Variants in MROH1 observed in about 807,000 individuals in gnomAD.
MROH1 encodes maestro heat like repeat family member 1, also known as maestro heat-like repeat-containing protein family member 1.
A neutral mutation model predicts 116.5 loss-of-function variants in MROH1; 117 were observed. The ratio of observed to expected loss-of-function variants is 1.00; its 90% CI spans 0.86 to 1.17. The LOEUF is 1.17. MROH1 is among the 50% of genes most tolerant of loss of function. MROH1 has a pLI of 0.00. For synonymous variants in MROH1, 921 were observed against 583.9 expected, an observed-to-expected ratio of 1.58 and a Z score of -8.32; for missense variants, 1,873 against 1,338.5, an observed-to-expected ratio of 1.40 and a Z score of -6.23.
intron 1 of MROH1, among the ~76,000 whole-genome samples, chr8:144,155,638 CTTTTTTT>C (rs1181004854): frequency 7.9e-6 from 1 of 125,992 alleles, no homozygotes; most frequent in African/African-American, 2.9e-5. Flanking sequence ...AGGTGTTTTT[CTTTTTTT>C]TTTTTTTTTT....
At chr8:144,210,761 T>G (rs901495912) in intron 12 of MROH1, among the ~76,000 whole-genome samples, 3 of 152,174 alleles carry the variant, frequency 2.0e-5, no homozygotes, top group Admixed American at 6.5e-5. Context: ...TAAATATATT[T>G]TTACATAGAT....
chr8:144,180,379 C>T lies in MROH1; in HGVS notation c.463+39C>T, dbSNP rs778831756. 1.3e-5 allele frequency: 21 copies of T among 1,609,786 alleles called. No homozygotes were observed. The highest frequency in any genetic ancestry group is 1.6e-4 in the Middle Eastern group (1 of 6,070). ...GGCCTGCCCCAGGAGGAGCACGGGGCGCTGGAAGCCTTGGCGGAGGCCTTT... is the reference window on the plus strand; with the variant it reads ...GGCCTGCCCCAGGAGGAGCACGGGGTGCTGGAAGCCTTGGCGGAGGCCTTT... On this transcript the variant is annotated intron_variant, in intron 6 of 43. Coordinates refer to ENST00000326134, the MANE Select transcript of MROH1 (RefSeq NM_032450.3). The surrounding 1 kb of genome is among the most constrained non-coding windows in gnomAD (Gnocchi z 7.4).
chr8:144,190,686 G>C (rs1288276040), intron 7 of MROH1, 98 bp from the exon 8 acceptor site: 17 of 1,454,710 alleles, frequency 1.2e-5, no homozygotes, highest in Non-Finnish European at 2.8e-6. Context: ...CATCTTGCAG[G>C]CCGTGGGATT....
intron 12 of MROH1, among the ~76,000 whole-genome samples, chr8:144,218,689 T>TCGCTCCTCCC (rs1835864839): frequency 1.9e-5 from 1 of 52,722 alleles, no homozygotes; most frequent in Non-Finnish European, 3.8e-5. Flanking sequence ...TCCCCTCCCC[T>TCGCTCCTCCC]CTCTCCTCCC....
chr8:144,151,248 A>C (rs1470352633), intron 1 of MROH1, among the ~76,000 whole-genome samples: 4 of 98,970 alleles, frequency 4.0e-5, no homozygotes, highest in Non-Finnish European at 7.6e-5. Context: ...ATTCTGTCTC[A>C]AAAAAAAAAA....
intron 43 of MROH1, 57 bp from the exon 44 acceptor site, chr8:144,261,598 C>CGA: frequency 1.4e-6 from 1 of 701,094 alleles, no homozygotes; most frequent in Non-Finnish European, 2.6e-6. Flanking sequence ...GGCCCACGCG[C>CGA]AGGCATGGGC....
At chr8:144,178,509 TCCGC>T (rs1824686482) in intron 4 of MROH1, among the ~76,000 whole-genome samples, 1 of 152,030 alleles carries the variant, frequency 6.6e-6, no homozygotes, top group East Asian at 1.9e-4. Flanking sequence ...CATCAGGTGA[TCCGC>T]CCGCCTCGGC....
At chr8:144,204,618 G>A (rs1247371906) in intron 12 of MROH1, among the ~76,000 whole-genome samples, 1 of 152,222 alleles carries the variant, frequency 6.6e-6, no homozygotes, top group Non-Finnish European at 1.5e-5. Context: ...AGAAGATAGT[G>A]TTGCTGTTTC....
At chr8:144,175,991 G>C (rs557096878) in intron 4 of MROH1, among the ~76,000 whole-genome samples, 126 of 152,328 alleles carry the variant, frequency 8.3e-4, no homozygotes, top group Non-Finnish European at 1.4e-3. Context: ...GGAGGTTGCA[G>C]TGAGCCGAGA....
At chr8:144,253,319 C>A (rs993593410) in intron 33 of MROH1, among the ~76,000 whole-genome samples, 1 of 152,252 alleles carries the variant, frequency 6.6e-6, no homozygotes, top group African/African-American at 2.4e-5. Flanking sequence ...TTAAAGCTTC[C>A]GGAAGCAGCC....
chr8:144,261,005 C>A lies in MROH1; in HGVS notation c.4635C>A (p.His1545Gln). ...QKHLQEGRAL[H>Q]FGEFLNTTCK... is the part of the protein sequence containing the mutation. ...ACCTGCAGGAGGGCCGAGCCCTGCA[C>A]TTCGGGGAGTTCCTCAACACCACCT... Residue 1545 changes from histidine (H) to glutamine (Q), a missense_variant, in exon 41 of 44, where the codon CAC becomes CAA. Physicochemically the swap from His to Gln is conservative, Grantham distance 24 (BLOSUM62 0). Transcript: ENST00000326134. 1 of 675,738 alleles carries A rather than the reference C, an allele frequency of 1.5e-6. No individual in the cohort carries two copies. The highest frequency in any genetic ancestry group is 2.8e-6 in the Non-Finnish European group (1 of 357,926). 41.9% of individuals were successfully genotyped at this position (675,738 alleles called of 1,614,324 possible).
chr8:144,149,466 G>A (rs1487257146), intron 1 of MROH1, among the ~76,000 whole-genome samples: 1 of 152,158 alleles, frequency 6.6e-6, no homozygotes, highest in Non-Finnish European at 1.5e-5. Context: ...CAGAGGTGGA[G>A]GCTGTGGGGC....
Position 144,216,409 on chromosome 8 carries a change from G to A in MROH1, c.1142-4191G>A, listed in dbSNP as rs182814570. 3.9e-3 allele frequency among the ~76,000 whole-genome samples: 599 copies of A among 152,222 alleles called. 3 individuals carry two copies. Among genetic ancestry groups the A allele is most frequent in the African/African-American group, 0.014 (573 of 41,544 alleles). On this transcript the variant is annotated intron_variant, in intron 12 of 43. Coordinates refer to ENST00000326134, the MANE Select transcript of MROH1 (RefSeq NM_032450.3). ...GAATGGCGTGAACCCAGGAGGCGGA[G>A]CTTGCAGTGAGCCGAGATCGCACCA...
intron 4 of MROH1, 117 bp downstream of exon 4, chr8:144,168,557 G>A (rs551193551): frequency 2.1e-5 from 26 of 1,250,242 alleles, no homozygotes; most frequent in South Asian, 1.9e-4. Flanking sequence ...CGCAGGGGTG[G>A]CCACATGTCT....
intron 4 of MROH1, among the ~76,000 whole-genome samples, chr8:144,178,753 G>A (rs1330070493): frequency 6.6e-6 from 1 of 152,154 alleles, no homozygotes; most frequent in African/African-American, 2.4e-5. Context: ...GGTGCCCCAG[G>A]TTCCTTTCCT....
intron 10 of MROH1, chr8:144,192,733 C>T (rs1217545878): frequency 2.1e-6 from 1 of 477,502 alleles, no homozygotes; most frequent in Non-Finnish European, 3.9e-6. Context: ...CCCTGAGTTT[C>T]TGGGGACTGA....
Position 144,179,566 on chromosome 8 carries a change from A to G in MROH1, c.280A>G (p.Ser94Gly). The G allele has an allele frequency of 4.3e-6, 7 of 1,611,580 alleles. No homozygotes were observed. The highest frequency in any genetic ancestry group is 2.2e-5 in the East Asian group (1 of 44,802). The part of the protein sequence containing the change: ...TASTIILLAS[S>G]EMTKTKDLVW... ...CAGCACCATCATCCTCCTGGCCTCC[A>G]GCGAGATGACCAAGACGAAGGTATT... Residue 94 changes from serine (S) to glycine (G), a missense_variant, in exon 5 of 44, where the codon AGC (serine) becomes GGC (glycine). Physicochemically the swap from Ser to Gly is moderately conservative, Grantham distance 56 (BLOSUM62 0). Transcript: ENST00000326134.
intron 12 of MROH1, among the ~76,000 whole-genome samples, chr8:144,210,387 G>A (rs1021224394): frequency 3.3e-5 from 5 of 151,578 alleles, no homozygotes; most frequent in South Asian, 4.2e-4. Flanking sequence ...GCAGTGAGCC[G>A]AGATTACGCC....
rs1821184473 is a variant in MROH1, at chr8:144,167,449, TGTTGTGGTGGAGTGGCCA to T, written c.23-841_23-824del. ...CCGGTTGTTGGGTGGAGTGGCCGGTTGTTGTGGTGGAGTGGCCAGTTGGGGTGGAGTGGCCGGTTGTTG... is the reference window on the plus strand; with the variant it reads ...CCGGTTGTTGGGTGGAGTGGCCGGTTGTTGGGGTGGAGTGGCCGGTTGTTG... On this transcript the variant is annotated intron_variant, in intron 3 of 43. Transcript: ENST00000326134. Among the ~76,000 whole-genome samples the T allele has an allele frequency of 9.5e-5, 12 of 126,716 alleles. 2 individuals carry two copies. The highest frequency in any genetic ancestry group is 3.5e-4 in the African/African-American group (10 of 28,646). The allele number at this position is 126,716 out of a possible 152,430, so 83.1% of individuals were successfully genotyped here.
Sources: allele counts gnomAD v4.1 joint callset (sites outside exome capture counted in the v4.1 genomes callset), GRCh38; gene constraint gnomAD v4.1.1; non-coding constraint Gnocchi (gnomAD v3.1); transcripts MANE v1.5; gene names NCBI Gene and HGNC (gene_info 2026-07-23, HGNC 2026-07-21).